The following RBFOX1 variants were observed in gnomAD, a reference collection of about 807,000 sequenced individuals.
The protein encoded by RBFOX1 is RNA binding protein fox-1 homolog 1.
A neutral mutation model predicts 57.7 loss-of-function variants in RBFOX1; 8 were observed. That is an observed-to-expected ratio of 0.14 (90% CI 0.08 to 0.25). The LOEUF (loss-of-function observed/expected upper bound fraction) is 0.25. RBFOX1 is among the 10% of genes least tolerant of loss of function. The pLI is 1.00. For missense variants in RBFOX1, 611 were observed against 548.5 expected, an observed-to-expected ratio of 1.11 and a Z score of -1.14; for synonymous variants, 326 against 222.4, an observed-to-expected ratio of 1.47 and a Z score of -4.15.
intron 3 of RBFOX1, among the ~76,000 whole-genome samples, chr16:6,964,218 C>A (rs55810449): frequency 4.0e-5 from 6 of 151,736 alleles, no homozygotes; most frequent in African/African-American, 7.3e-5. Context: ...GGGGTTTCAC[C>A]TTGTTGGCCA....
chr16:7,454,088 C>A (rs9924934), intron 4 of RBFOX1, among the ~76,000 whole-genome samples: 3 of 152,022 alleles, frequency 2.0e-5, no homozygotes, highest in African/African-American at 7.2e-5. Flanking sequence ...CAAAAATTAG[C>A]TGAGTGTGGT....
intron 4 of RBFOX1, among the ~76,000 whole-genome samples, chr16:7,467,401 G>A (rs371374001): frequency 1.3e-5 from 2 of 152,106 alleles, no homozygotes; most frequent in Non-Finnish European, 2.9e-5. Context: ...TCTTGAAGAC[G>A]TGCACTTTGA....
At chr16:6,020,021 C>T (rs1461283473) in intron 1 of RBFOX1, 29 bp downstream of exon 1, 4 of 1,481,052 alleles carry the variant, frequency 2.7e-6, no homozygotes, top group Non-Finnish European at 3.6e-6. Context: ...ATTGCCTCTG[C>T]ACCCACCCTG....
At chr16:6,374,219 G>C (rs772324817) in intron 2 of RBFOX1, among the ~76,000 whole-genome samples, 1 of 152,294 alleles carries the variant, frequency 6.6e-6, no homozygotes, top group Non-Finnish European at 1.5e-5. Context: ...TTCAAGAATG[G>C]AGGGCATTGT....
chr16:6,237,121 C>G (rs1348253732), intron 1 of RBFOX1, among the ~76,000 whole-genome samples: 1 of 152,174 alleles, frequency 6.6e-6, no homozygotes, highest in African/African-American at 2.4e-5. Flanking sequence ...AATCATGGTA[C>G]TTACTAAAAT....
At chr16:6,304,240 A>G (rs573532527) in intron 1 of RBFOX1, among the ~76,000 whole-genome samples, 24 of 152,020 alleles carry the variant, frequency 1.6e-4, no homozygotes, top group African/African-American at 5.3e-4. Flanking sequence ...GTGAGCCGAG[A>G]TCATGCCATT....
chr16:7,153,464 A>T (rs908759420), intron 4 of RBFOX1, among the ~76,000 whole-genome samples: 2 of 152,002 alleles, frequency 1.3e-5, no homozygotes, highest in Admixed American at 1.3e-4. Context: ...TGGCCGGGCA[A>T]GGTGGCTCAC....
At chr16:7,310,098 C>T (rs886438373) in intron 4 of RBFOX1, among the ~76,000 whole-genome samples, 1 of 152,196 alleles carries the variant, frequency 6.6e-6, no homozygotes, top group African/African-American at 2.4e-5. Flanking sequence ...AGGGTCAGCT[C>T]TCAGGCACAA....
intron 1 of RBFOX1, among the ~76,000 whole-genome samples, chr16:6,230,199 A>G (rs2097448198): frequency 6.6e-6 from 1 of 152,194 alleles, no homozygotes; most frequent in South Asian, 2.1e-4. Context: ...GAAGTTAAGC[A>G]ATTAGTGATT....
chr16:6,961,373 A>G (rs1007967334), intron 3 of RBFOX1, among the ~76,000 whole-genome samples: 1 of 152,096 alleles, frequency 6.6e-6, no homozygotes, highest in Non-Finnish European at 1.5e-5. Context: ...AACTGTAGTA[A>G]TTTCCCAGCG....
At chr16:6,558,920 C>G (rs720377) in intron 2 of RBFOX1, among the ~76,000 whole-genome samples, 4,399 of 152,152 alleles carry the variant, frequency 0.029, 224 homozygotes, top group African/African-American at 0.094. Context: ...CCCCTCCTGC[C>G]TCACCACAAC....
At chr16:7,547,424 C>G (rs2084888477) in intron 5 of RBFOX1, among the ~76,000 whole-genome samples, 2 of 151,946 alleles carry the variant, frequency 1.3e-5, no homozygotes, top group African/African-American at 4.8e-5. Context: ...TGTTATATGC[C>G]AAAAATGAGA....
At chr16:6,103,004 A>G (rs1461284601) in intron 1 of RBFOX1, among the ~76,000 whole-genome samples, 2 of 152,162 alleles carry the variant, frequency 1.3e-5, no homozygotes, top group Non-Finnish European at 2.9e-5. Flanking sequence ...GACTTTCATA[A>G]TTGTGAGCAA....
chr16:5,505,637 C>A (rs2043353119), intron 2 of RBFOX1, among the ~76,000 whole-genome samples: 1 of 152,136 alleles, frequency 6.6e-6, no homozygotes, highest in African/African-American at 2.4e-5. Context: ...GGGTGAGTGC[C>A]TGTGTCTTAT....
At chr16:6,876,440 G>T (rs1055255372) in intron 3 of RBFOX1, among the ~76,000 whole-genome samples, 2 of 151,928 alleles carry the variant, frequency 1.3e-5, no homozygotes, top group Non-Finnish European at 2.9e-5. Flanking sequence ...TCTTAAAAAT[G>T]AAGTGATATC....
chr16:5,432,279 G>C (rs1028060577), intron 1 of RBFOX1, among the ~76,000 whole-genome samples: 9 of 151,990 alleles, frequency 5.9e-5, no homozygotes, highest in African/African-American at 2.2e-4. Flanking sequence ...GTAAAAATGA[G>C]ATGAAATGGG....
intron 4 of RBFOX1, among the ~76,000 whole-genome samples, chr16:7,401,160 A>G (rs1024972617): frequency 6.6e-6 from 1 of 152,222 alleles, no homozygotes; most frequent in African/African-American, 2.4e-5. Flanking sequence ...TGATGAAGCT[A>G]TTTTTTAAAA....
At chr16:7,382,737 G>C (rs1285489106) in intron 4 of RBFOX1, among the ~76,000 whole-genome samples, 1 of 152,350 alleles carries the variant, frequency 6.6e-6, no homozygotes, top group Non-Finnish European at 1.5e-5. Context: ...CTATTTGTAT[G>C]TACGTTCCAA....
intron 4 of RBFOX1, among the ~76,000 whole-genome samples, chr16:7,467,476 A>T (rs796066952): frequency 1.3e-5 from 2 of 152,340 alleles, no homozygotes; most frequent in African/African-American, 4.8e-5. Flanking sequence ...CAGAGAGAAC[A>T]TTCAACCCTT....
Sources: allele counts gnomAD v4.1 joint callset (sites outside exome capture counted in the v4.1 genomes callset), GRCh38; gene constraint gnomAD v4.1.1; transcripts MANE v1.5; gene names NCBI Gene and HGNC (gene_info 2026-07-23, HGNC 2026-07-21).